NDUFAF2: variants seen among roughly 807,000 people sequenced by gnomAD.
The protein encoded by NDUFAF2 is NADH dehydrogenase [ubiquinone] 1 alpha subcomplex assembly factor 2.
Under a neutral mutation model 22.8 loss-of-function variants are expected in NDUFAF2, and 13 were observed. That is an observed-to-expected ratio of 0.57 (90% CI 0.37 to 0.91). The LOEUF (loss-of-function observed/expected upper bound fraction) is 0.91. Ranked by LOEUF, NDUFAF2 falls within the 40% of genes least tolerant of loss-of-function variation. The pLI, the probability that NDUFAF2 is intolerant of heterozygous loss-of-function variation, is 0.01. For synonymous variants in NDUFAF2, 53 were observed against 64.2 expected, an observed-to-expected ratio of 0.83 and a Z score of 0.84; for missense variants, 162 against 195.2, an observed-to-expected ratio of 0.83 and a Z score of 1.01.
intron 1 of NDUFAF2, among the ~76,000 whole-genome samples, chr5:61,010,708 CCTT>C (rs886187227): frequency 2.0e-5 from 3 of 152,084 alleles, no homozygotes; most frequent in African/African-American, 2.4e-5. Flanking sequence ...TATATTCATC[CCTT>C]CTTCTTTCAG....
Position 61,115,694 on chromosome 5 carries a change from G to C in NDUFAF2, c.258+16662G>C, listed in dbSNP as rs866431596. 6 of 151,978 alleles carry C rather than the reference G, an allele frequency of 3.9e-5. No individual in the cohort carries two copies. The South Asian group carries it at 1.2e-3, about 32-fold the overall frequency. 9.4% of individuals were successfully genotyped at this position (151,978 alleles called of 1,614,324 possible). ...TGTCAGTGACATGAATGATTAAAAA[G>C]GACTGATACATGACAGCTAAATGTA... On this transcript the variant is annotated intron_variant, in intron 3 of 3. Transcript: ENST00000296597.
chr5:61,119,046 A>G (rs1752946082), intron 3 of NDUFAF2, among the ~76,000 whole-genome samples: 1 of 152,184 alleles, frequency 6.6e-6, no homozygotes, highest in African/African-American at 2.4e-5. Flanking sequence ...TTATAATTAC[A>G]TATTTTAAAA....
intron 1 of NDUFAF2, among the ~76,000 whole-genome samples, chr5:61,019,014 T>C (rs1358097015): frequency 6.6e-6 from 1 of 152,162 alleles, no homozygotes; most frequent in Non-Finnish European, 1.5e-5. Flanking sequence ...AGAGTTCTAT[T>C]ACCTTATGTG....
intron 1 of NDUFAF2, among the ~76,000 whole-genome samples, chr5:60,992,123 C>A (rs1751166470): frequency 6.6e-6 from 1 of 152,084 alleles, no homozygotes; most frequent in Non-Finnish European, 1.5e-5. Context: ...CAAATCTTTG[C>A]CCATTTTTTG....
rs186930351 is a variant in NDUFAF2 at position 60,945,431 on chromosome 5, C to A, written c.127+49C>A. Reference sequence around the variant, plus strand: ...ATTGCGTGGTCAGTGATTGCGAGGTCAGTAAAGGAGGGAAAAGTGAGAGCC... The same window carrying A: ...ATTGCGTGGTCAGTGATTGCGAGGTAAGTAAAGGAGGGAAAAGTGAGAGCC... On this transcript the variant is annotated intron_variant, in intron 1 of 3. Coordinates refer to ENST00000296597, the MANE Select transcript of NDUFAF2 (RefSeq NM_174889.5). 79 of 1,613,828 alleles carry A rather than the reference C, an allele frequency of 4.9e-5. No homozygotes were observed. The African/African-American group carries it at 8.5e-4, about 17-fold the overall frequency.
chr5:60,955,429 C>T (rs1417798869), intron 1 of NDUFAF2, among the ~76,000 whole-genome samples: 1 of 152,090 alleles, frequency 6.6e-6, no homozygotes, highest in East Asian at 1.9e-4. Context: ...GTTTATATGT[C>T]TGGTTTTATA....
Position 61,021,568 on chromosome 5 carries a change from A to G in NDUFAF2, c.128-51557A>G, listed in dbSNP as rs150222395. On this transcript the variant is annotated intron_variant, in intron 1 of 3. Coordinates refer to ENST00000296597, the MANE Select transcript of NDUFAF2 (RefSeq NM_174889.5). ...AGGTTCCAGGAATTAGTACATAGAC[A>G]TCTTTAGGACGCCCTTATTCTGTCT... Among the ~76,000 whole-genome samples, 189 of 152,296 alleles carry G rather than the reference A, an allele frequency of 1.2e-3. 1 individual carries two copies. The highest frequency in any genetic ancestry group is 4.5e-3 in the African/African-American group (185 of 41,570).
chr5:61,136,970 A>G (rs1740972158), intron 3 of NDUFAF2, among the ~76,000 whole-genome samples: 1 of 152,242 alleles, frequency 6.6e-6, no homozygotes, highest in Non-Finnish European at 1.5e-5. Flanking sequence ...AACAAGCTTC[A>G]TCTAAATAAG....
chr5:61,123,008 C>G (rs1752994817), intron 3 of NDUFAF2, among the ~76,000 whole-genome samples: 1 of 152,096 alleles, frequency 6.6e-6, no homozygotes, highest in African/African-American at 2.4e-5. Flanking sequence ...GATAAAAGTT[C>G]CTTTCCTGTC....
At chr5:60,950,397 C>T (rs1318475962) in intron 1 of NDUFAF2, among the ~76,000 whole-genome samples, 3 of 152,040 alleles carry the variant, frequency 2.0e-5, no homozygotes, top group Non-Finnish European at 4.4e-5. Flanking sequence ...GTTGGACAGG[C>T]TGGTCTCGAA....
intron 1 of NDUFAF2, among the ~76,000 whole-genome samples, chr5:61,054,631 C>T (rs1316636150): frequency 6.6e-6 from 1 of 152,162 alleles, no homozygotes. Context: ...TTAATTGGTA[C>T]CAGCAACAAA....
intron 1 of NDUFAF2, among the ~76,000 whole-genome samples, chr5:60,948,911 G>GTATGAGAT (rs1374799562): frequency 6.6e-6 from 1 of 152,160 alleles, no homozygotes; most frequent in Non-Finnish European, 1.5e-5. Flanking sequence ...CACCAGGAGT[G>GTATGAGAT]TATGAGATTT....
Position 61,052,000 on chromosome 5 carries a change from T to C in NDUFAF2, c.128-21125T>C, listed in dbSNP as rs79714877. 1.8e-4 allele frequency among the ~76,000 whole-genome samples: 27 copies of C among 152,298 alleles called. No homozygotes were observed. In the East Asian group the frequency reaches 4.6e-3, roughly 26 times the overall value. Reference sequence around the variant, plus strand: ...ACAACTACTTAGAGAAGTATAACTATTTTTTCTTTTCCAAAAATAAAGTAG... The same window carrying C: ...ACAACTACTTAGAGAAGTATAACTACTTTTTCTTTTCCAAAAATAAAGTAG... On this transcript the variant is annotated intron_variant, in intron 1 of 3. Transcript: ENST00000296597.
intron 3 of NDUFAF2, among the ~76,000 whole-genome samples, chr5:61,134,465 C>T (rs1224661997): frequency 6.6e-6 from 1 of 152,146 alleles, no homozygotes; most frequent in Non-Finnish European, 1.5e-5. Flanking sequence ...GCGGACGGGT[C>T]ACGAGGTCAG....
intron 3 of NDUFAF2, among the ~76,000 whole-genome samples, chr5:61,139,427 A>C (rs535418989): frequency 9.0e-4 from 137 of 152,370 alleles, no homozygotes; most frequent in South Asian, 1.4e-3. Context: ...AATCATTGTA[A>C]GTCAGGGACC....
At chr5:60,965,152 CAG>C (rs1750738065) in intron 1 of NDUFAF2, among the ~76,000 whole-genome samples, 1 of 152,094 alleles carries the variant, frequency 6.6e-6, no homozygotes, top group South Asian at 2.1e-4. Flanking sequence ...ATACAGAAGA[CAG>C]AAAAATTGTA....
intron 3 of NDUFAF2, among the ~76,000 whole-genome samples, chr5:61,132,572 C>G (rs1193951713): frequency 6.6e-6 from 1 of 152,164 alleles, no homozygotes; most frequent in African/African-American, 2.4e-5. Flanking sequence ...ATGGCCCAAC[C>G]CTTAGAATTC....
intron 1 of NDUFAF2, among the ~76,000 whole-genome samples, chr5:61,048,992 A>T (rs1026481469): frequency 6.6e-6 from 1 of 152,116 alleles, no homozygotes; most frequent in East Asian, 1.9e-4. Context: ...CATCTTCATC[A>T]TCTGTTGGGG....
chr5:60,951,923 A>G (rs989059204), intron 1 of NDUFAF2, among the ~76,000 whole-genome samples: 1 of 151,754 alleles, frequency 6.6e-6, no homozygotes, highest in African/African-American at 2.4e-5. Flanking sequence ...TACTCAGGCT[A>G]TCTATTTTGT....
Sources: allele counts gnomAD v4.1 joint callset (sites outside exome capture counted in the v4.1 genomes callset), GRCh38; gene constraint gnomAD v4.1.1; transcripts MANE v1.5; gene names NCBI Gene and HGNC (gene_info 2026-07-23, HGNC 2026-07-21).